The following ATAD5 variants were observed in gnomAD, a reference collection of about 807,000 sequenced individuals.
ATAD5 encodes the protein ATPase family AAA domain containing 5, also known as ATPase family AAA domain-containing protein 5.
Under a neutral mutation model 176.9 loss-of-function variants are expected in ATAD5, and 58 were observed. That is an observed-to-expected ratio of 0.33 (90% CI 0.27 to 0.41). ATAD5 has a LOEUF of 0.41. ATAD5 is among the 10% of genes least tolerant of loss of function. ATAD5 has a pLI of 1.00. For missense variants in ATAD5, 1,789 were observed against 2,094.1 expected, an observed-to-expected ratio of 0.85 and a Z score of 2.84; for synonymous variants, 640 against 712.6, an observed-to-expected ratio of 0.90 and a Z score of 1.62.
At chr17:30,873,037 CA>C (rs35454204) in intron 14 of ATAD5, among the ~76,000 whole-genome samples, 15,971 of 152,126 alleles carry the variant, frequency 0.1, 951 homozygotes, top group South Asian at 0.24. Context: ...AGTGTTATTT[CA>C]TATATTATGT....
At chr17:30,890,901 T>C (rs1567701227) in intron 19 of ATAD5, among the ~76,000 whole-genome samples, 1 of 151,840 alleles carries the variant, frequency 6.6e-6, no homozygotes, top group Non-Finnish European at 1.5e-5. Flanking sequence ...TTATATATGT[T>C]GTTATTTTTA....
chr17:30,834,434 A>G lies in ATAD5; in HGVS notation c.353A>G (p.Asn118Ser). Residue 118 changes from asparagine (N) to serine (S), a missense_variant, in exon 2 of 23, where the codon AAT (asparagine) becomes AGT (serine). By Grantham distance (46) the Asn-to-Ser change is conservative (BLOSUM62 1). This residue lies in a region of ATAD5 where 696 missense variants were observed against 712.5 expected (regional missense o/e 0.98). Coordinates refer to ENST00000321990, the MANE Select transcript of ATAD5 (RefSeq NM_024857.5). ...VEFKKKRKRV[N>S]LSHQLNNIKT... ...TTTAAGAAGAAAAGAAAGAGGGTTA[A>G]TTTATCTCATCAACTAAATAATATT... 2 of 1,597,828 alleles carry G rather than the reference A, an allele frequency of 1.3e-6. No homozygotes were observed. The highest frequency in any genetic ancestry group is 2.2e-5 in the East Asian group (1 of 44,796).
intron 18 of ATAD5, among the ~76,000 whole-genome samples, chr17:30,881,909 T>C (rs1300662469): frequency 6.8e-6 from 1 of 147,894 alleles, no homozygotes; most frequent in Non-Finnish European, 1.5e-5. Context: ...CAAGACCCTG[T>C]CCCCCCCCCA....
chr17:30,875,953 C>T lies in ATAD5; in HGVS notation c.3608-421C>T, dbSNP rs564631511. On this transcript the variant is annotated intron_variant, in intron 14 of 22. Transcript: ENST00000321990. ...GAGATCGAGACCATCCTGGCTAACA[C>T]GGTGAAACCCCGTCTCTACTAAATA... Among the ~76,000 whole-genome samples the T allele has an allele frequency of 2.0e-3, 300 of 151,304 alleles. 1 individual carries two copies. Among genetic ancestry groups the T allele is most frequent in the African/African-American group, 6.8e-3 (282 of 41,256 alleles).
In ATAD5 at chr17:30,842,812, C is replaced by T. The variant is rs190953173; in HGVS notation, c.2242-1101C>T. On this transcript the variant is annotated intron_variant, in intron 4 of 22. Coordinates refer to ENST00000321990, the MANE Select transcript of ATAD5 (RefSeq NM_024857.5). ...CAGGCTAGAGTTAATGGCGCGATCT[C>T]AGCTCACTGAAACCTCCACTTCCTG... is the stretch of plus-strand genomic sequence containing the variant. Among the ~76,000 whole-genome samples the T allele has an allele frequency of 4.0e-3, 608 of 152,252 alleles. 20 individuals are homozygous for T. The highest frequency in any genetic ancestry group is 0.037 in the Admixed American group (559 of 15,292).
chr17:30,848,173 C>T lies in ATAD5; in HGVS notation c.2450+3257C>T, dbSNP rs543289364. The stretch of plus-strand genomic sequence containing the variant: ...CAAACTGTTGTCCCAAGTTGTTGTT[C>T]GGTTTTACACTCCCACCAGCAATGT... On this transcript the variant is annotated intron_variant, in intron 6 of 22. Transcript: ENST00000321990. Among the ~76,000 whole-genome samples the T allele has an allele frequency of 9.8e-4, 149 of 152,066 alleles. 1 individual carries two copies. Among genetic ancestry groups the T allele is most frequent in the African/African-American group, 3.2e-3 (132 of 41,480 alleles).
At chr17:30,850,833 T>TTATA (rs1312470807) in intron 6 of ATAD5, among the ~76,000 whole-genome samples, 1,374 of 27,428 alleles carry the variant, frequency 0.05, 36 homozygotes, top group Non-Finnish European at 0.055. Context: ...TTATATATTT[T>TTATA]TATATATATA....
chr17:30,838,500 G>C (rs917379093), intron 3 of ATAD5, among the ~76,000 whole-genome samples: 2 of 152,124 alleles, frequency 1.3e-5, no homozygotes, highest in African/African-American at 4.8e-5. Context: ...GTGAGGAAAC[G>C]TGTTTTTATT....
intron 4 of ATAD5, among the ~76,000 whole-genome samples, chr17:30,841,554 G>C (rs574489721): frequency 6.6e-6 from 1 of 152,220 alleles, no homozygotes; most frequent in South Asian, 2.1e-4. Flanking sequence ...TATATTGGAA[G>C]AGTTGTGCAT....
rs778055466 is a variant in ATAD5 at position 30,832,391 on chromosome 17, C to T, written c.44C>T (p.Pro15Leu). ...ATGGCGGCTGCAGCTGCTCCGCCTC[C>T]CGTGAAGGACTGCGAGATTGAGGTG... ...LAMAAAAAPP[P>L]VKDCEIEPCK... Residue 15 changes from proline (P) to leucine (L), a missense_variant, in exon 1 of 23, where the codon CCC (proline) becomes CTC (leucine). This residue lies in a region of ATAD5 where 696 missense variants were observed against 712.5 expected (regional missense o/e 0.98). Transcript: ENST00000321990. 3.8e-6 allele frequency: 6 copies of T among 1,562,764 alleles called. No homozygotes were observed. The highest frequency in any genetic ancestry group is 2.4e-5 in the South Asian group (2 of 84,774).
At chr17:30,875,826 A>C (rs1597987479) in intron 14 of ATAD5, among the ~76,000 whole-genome samples, 1 of 146,942 alleles carries the variant, frequency 6.8e-6, no homozygotes, top group East Asian at 2.0e-4. Flanking sequence ...GTTTCTTTGG[A>C]GTAGAGTGTC....
intron 19 of ATAD5, among the ~76,000 whole-genome samples, chr17:30,891,817 C>G (rs997861251): frequency 1.3e-5 from 2 of 152,034 alleles, no homozygotes; most frequent in Non-Finnish European, 2.9e-5. Context: ...TCCCTAATAG[C>G]GGGGGCTACA....
At chr17:30,863,069 A>G (rs1365147181) in intron 10 of ATAD5, 2 of 152,122 alleles carry the variant, frequency 1.3e-5, no homozygotes, top group Non-Finnish European at 2.9e-5. Context: ...ATGGTGGCAC[A>G]TGCCTGTAGT....
At position 30,862,235 on chromosome 17, in the gene ATAD5, G is replaced by A. The variant is rs947206878; in HGVS notation, c.3136+1623G>A. Among the ~76,000 whole-genome samples the A allele has an allele frequency of 8.6e-5, 13 of 151,176 alleles. No individual in the cohort carries two copies. In the South Asian group the frequency reaches 1.3e-3, roughly 15 times the overall value. On this transcript the variant is annotated intron_variant, in intron 10 of 22. Coordinates refer to ENST00000321990, the MANE Select transcript of ATAD5 (RefSeq NM_024857.5). ...TGTAATCCCAGCTACTTGGGAGGCC[G>A]AGGCAGGAGAATCGCTTGAACCTGG...
chr17:30,835,023 C>A lies in ATAD5; in HGVS notation c.942C>A (p.Ser314=), dbSNP rs149510196. ...GTGAATCAGAAAACTCCGAAATTTC[C>A]CAGCAGGTACGCTTTAAGACAGTTA... ...YISESENSEI[S]QQVRFKTVTV... The change falls in exon 2 of 23, where the codon TCC becomes TCA. Residue 314 remains serine (S), a synonymous_variant. Transcript: ENST00000321990. 47 of 1,613,740 alleles carry A rather than the reference C, an allele frequency of 2.9e-5. No homozygotes were observed. The African/African-American group carries it at 6.1e-4, about 21-fold the overall frequency.
At chr17:30,861,090 A>G (rs1261681964) in intron 10 of ATAD5, among the ~76,000 whole-genome samples, 1 of 151,862 alleles carries the variant, frequency 6.6e-6, no homozygotes, top group Non-Finnish European at 1.5e-5. Flanking sequence ...GGTGTGAGCC[A>G]CCGTGCCTGG....
chr17:30,854,366 TA>T (rs1177237005), intron 6 of ATAD5, among the ~76,000 whole-genome samples: 9 of 115,298 alleles, frequency 7.8e-5, no homozygotes, highest in African/African-American at 2.9e-4. Flanking sequence ...TAAATTAATT[TA>T]AATTTTTTTT....
Position 30,837,273 on chromosome 17 carries a change from T to C in ATAD5, c.2035T>C (p.Ser679Pro), listed in dbSNP as rs1001043505. Reference sequence around the variant, plus strand: ...AAAATCTAACAAAAGATCTGAGAAATCTGAAGCAACTGATGGAGGTTTTAC... The same window carrying C: ...AAAATCTAACAAAAGATCTGAGAAACCTGAAGCAACTGATGGAGGTTTTAC... ...KKKSNKRSEKSEATDGGFTSQ... is the reference protein window; with the variant it reads ...KKKSNKRSEKPEATDGGFTSQ... The change falls in exon 3 of 23, where the codon TCT becomes CCT. Residue 679 changes from serine (S) to proline (P), a missense_variant. Around this residue, in one of 6 missense-constraint regions of ATAD5, gnomAD observed 487 missense variants for 573.6 expected, o/e 0.85. Transcript: ENST00000321990. 6.3e-7 allele frequency: 1 copy of C among 1,584,218 alleles called. No homozygotes were observed. The highest frequency in any genetic ancestry group is 1.4e-5 in the African/African-American group (1 of 73,134).
At chr17:30,885,660 G>T (rs1909282952) in intron 18 of ATAD5, among the ~76,000 whole-genome samples, 1 of 120,462 alleles carries the variant, frequency 8.3e-6, no homozygotes, top group Non-Finnish European at 1.6e-5. Flanking sequence ...TTGAGATGGA[G>T]TTCGCTCTTG....
Sources: allele counts gnomAD v4.1 joint callset (sites outside exome capture counted in the v4.1 genomes callset), GRCh38; gene constraint gnomAD v4.1.1; regional missense constraint gnomAD v4.1.1; transcripts MANE v1.5; gene names NCBI Gene and HGNC (gene_info 2026-07-23, HGNC 2026-07-21).